The following CPQ variants were observed in gnomAD, a reference collection of about 807,000 sequenced individuals.
The protein encoded by CPQ is Ser-Met dipeptidase.
In CPQ, 37 loss-of-function variants were observed where a neutral mutation model predicts 45.7. The ratio of observed to expected loss-of-function variants is 0.81; its 90% CI spans 0.62 to 1.07. CPQ has a LOEUF of 1.07. CPQ is among the 50% of genes least tolerant of loss of function. The pLI, the probability that CPQ is intolerant of heterozygous loss-of-function variation, is 0.00. For synonymous variants in CPQ, 186 were observed against 205.8 expected, an observed-to-expected ratio of 0.90 and a Z score of 0.82; for missense variants, 537 against 572.9, an observed-to-expected ratio of 0.94 and a Z score of 0.64.
intron 4 of CPQ, among the ~76,000 whole-genome samples, chr8:96,961,117 T>C (rs1563539616): frequency 6.6e-6 from 1 of 152,230 alleles, no homozygotes; most frequent in East Asian, 1.9e-4. Flanking sequence ...TAAGGATATG[T>C]CCAATTGTTT....
chr8:96,823,761 C>A (rs1429320026), intron 2 of CPQ, among the ~76,000 whole-genome samples: 1 of 151,876 alleles, frequency 6.6e-6, no homozygotes, highest in African/African-American at 2.4e-5. Flanking sequence ...TCGAGAGAAT[C>A]CACTGAGTTA....
At chr8:96,833,803 C>A (rs1586419231) in intron 2 of CPQ, among the ~76,000 whole-genome samples, 1 of 152,110 alleles carries the variant, frequency 6.6e-6, no homozygotes, top group African/African-American at 2.4e-5. Context: ...ATCATGGTAC[C>A]AGGGGTAGCC....
intron 7 of CPQ, among the ~76,000 whole-genome samples, chr8:97,122,977 A>AT (rs1197111869): frequency 0.029 from 1,515 of 52,002 alleles, 234 homozygotes; most frequent in East Asian, 0.18. Context: ...AAAATAAAAT[A>AT]AAATTAAAAT....
intron 4 of CPQ, among the ~76,000 whole-genome samples, chr8:96,908,777 A>ACACACACACACACACCCC (rs147900019): frequency 2.0e-5 from 3 of 150,162 alleles, no homozygotes; most frequent in Admixed American, 6.6e-5. Flanking sequence ...ACACACACAC[A>ACACACACACACACACCCC]CCATATATTC....
chr8:96,843,193 A>G (rs1277059657), intron 3 of CPQ, among the ~76,000 whole-genome samples: 1 of 152,198 alleles, frequency 6.6e-6, no homozygotes, highest in Non-Finnish European at 1.5e-5. Flanking sequence ...GGTGTGAGCC[A>G]CTGAGCCTGG....
At chr8:96,763,443 C>T (rs1160256545) in intron 1 of CPQ, among the ~76,000 whole-genome samples, 2 of 152,114 alleles carry the variant, frequency 1.3e-5, no homozygotes, top group Non-Finnish European at 2.9e-5. Context: ...TTCCACTGAA[C>T]TATTTGTCTA....
At position 96,757,354 on chromosome 8, in the gene CPQ, G is replaced by GATAATA. The variant is rs3036414; in HGVS notation, c.-34-27468_-34-27463dup. On this transcript the variant is annotated intron_variant, in intron 1 of 7. Coordinates refer to ENST00000220763, the MANE Select transcript of CPQ (RefSeq NM_016134.4). ...CAACAGAGCAAGACTCCATCTCAAT[G>GATAATA]ATAATAATAATAATAATAATAATAA... Among the ~76,000 whole-genome samples, 598 of 139,384 alleles carry GATAATA rather than the reference G, an allele frequency of 4.3e-3. 2 individuals carry two copies. Among genetic ancestry groups the GATAATA allele is most frequent in the Admixed American group, 9.8e-3 (136 of 13,836 alleles). 91.4% of individuals were successfully genotyped at this position (139,384 alleles called of 152,430 possible).
At chr8:96,679,285 T>G (rs909975295) in intron 1 of CPQ, among the ~76,000 whole-genome samples, 2 of 152,160 alleles carry the variant, frequency 1.3e-5, no homozygotes, top group African/African-American at 4.8e-5. Context: ...TTGTGGTGTA[T>G]TGTCTTTTTA....
rs1347946407 is a variant in CPQ at position 96,671,386 on chromosome 8, T to G, written c.-35+25984T>G. On this transcript the variant is annotated intron_variant, in intron 1 of 7. Coordinates refer to ENST00000220763, the MANE Select transcript of CPQ (RefSeq NM_016134.4). The stretch of plus-strand genomic sequence containing the variant: ...AAACATAATTCTCATCTTTCAAAAT[T>G]TTAGTGTTCCACTGTAAATTGTAAA... 2.6e-5 allele frequency among the ~76,000 whole-genome samples: 4 copies of G among 152,320 alleles called. No individual in the cohort carries two copies. In the East Asian group the frequency reaches 5.8e-4, roughly 22 times the overall value.
intron 2 of CPQ, among the ~76,000 whole-genome samples, chr8:96,786,825 G>A (rs1810774611): frequency 6.6e-6 from 1 of 151,986 alleles, no homozygotes; most frequent in Admixed American, 6.6e-5. Flanking sequence ...TATCTTCTTT[G>A]GAGAAATGTG....
intron 2 of CPQ, among the ~76,000 whole-genome samples, chr8:96,798,564 C>T (rs1360312186): frequency 6.6e-6 from 1 of 152,082 alleles, no homozygotes; most frequent in Non-Finnish European, 1.5e-5. Flanking sequence ...CACATGGGGT[C>T]TATTTGCCTT....
At chr8:97,072,219 G>A (rs1810755895) in intron 7 of CPQ, among the ~76,000 whole-genome samples, 1 of 152,086 alleles carries the variant, frequency 6.6e-6, no homozygotes, top group Non-Finnish European at 1.5e-5. Flanking sequence ...TTCTTGAGAA[G>A]CTGTTTGAGA....
chr8:97,033,829 G>T (rs973280199), intron 6 of CPQ, among the ~76,000 whole-genome samples: 6 of 152,024 alleles, frequency 3.9e-5, no homozygotes, highest in African/African-American at 1.4e-4. Context: ...AAATCAGTTT[G>T]TGGAATAATG....
At chr8:96,796,982 G>T (rs1810938686) in intron 2 of CPQ, among the ~76,000 whole-genome samples, 1 of 152,124 alleles carries the variant, frequency 6.6e-6, no homozygotes, top group Admixed American at 6.5e-5. Flanking sequence ...AGAATCACTG[G>T]GTAAGCTAAT....
intron 7 of CPQ, among the ~76,000 whole-genome samples, chr8:97,086,509 T>C (rs112156890): frequency 5.9e-5 from 9 of 152,280 alleles, no homozygotes; most frequent in African/African-American, 2.2e-4. Context: ...TCTGTTTTCC[T>C]TCTCTGTTGT....
At position 97,134,286 on chromosome 8, in the gene CPQ, A is replaced by G. The variant is rs1022007509; in HGVS notation, c.1256-8734A>G. 4.6e-5 allele frequency among the ~76,000 whole-genome samples: 7 copies of G among 152,256 alleles called. No homozygotes were observed. The South Asian group carries it at 1.4e-3, about 32-fold the overall frequency. ...GCTTACATTCTAGCAGAAAAGACAG[A>G]CAACAATAATAAAACCATGATAATA... On this transcript the variant is annotated intron_variant, in intron 7 of 7. Transcript: ENST00000220763.
intron 2 of CPQ, among the ~76,000 whole-genome samples, chr8:96,797,342 A>G (rs1810945152): frequency 1.3e-5 from 2 of 152,084 alleles, no homozygotes; most frequent in Non-Finnish European, 2.9e-5. Flanking sequence ...TTGAATGCCA[A>G]CTCTCCATAT....
At chr8:96,988,075 CT>C (rs1279712974) in intron 5 of CPQ, among the ~76,000 whole-genome samples, 1 of 152,144 alleles carries the variant, frequency 6.6e-6, no homozygotes, top group African/African-American at 2.4e-5. Context: ...AATTCAGACA[CT>C]TTTTGTTGTT....
intron 5 of CPQ, among the ~76,000 whole-genome samples, chr8:97,014,652 A>C (rs1227941520): frequency 2.0e-5 from 3 of 152,030 alleles, no homozygotes; most frequent in African/African-American, 7.2e-5. Flanking sequence ...AAAAAAAAAA[A>C]AAAAAAAGGA....
Sources: allele counts gnomAD v4.1 joint callset (sites outside exome capture counted in the v4.1 genomes callset), GRCh38; gene constraint gnomAD v4.1.1; transcripts MANE v1.5; gene names NCBI Gene and HGNC (gene_info 2026-07-23, HGNC 2026-07-21).